USP34: variants seen among roughly 807,000 people sequenced by gnomAD.
USP34 encodes ubiquitin specific peptidase 34.
In USP34, 70 loss-of-function variants were observed where a neutral mutation model predicts 460.3. That is an observed-to-expected ratio of 0.15 (90% CI 0.13 to 0.19). The LOEUF (loss-of-function observed/expected upper bound fraction) is 0.19, where lower values mean the gene tolerates loss of function less well. USP34 is among the 10% of genes least tolerant of loss of function. USP34 has a pLI of 1.00. For synonymous variants in USP34, 1,647 were observed against 1,405.3 expected (o/e 1.17, Z -3.85); for missense variants, 3,985 against 4,236.2 (o/e 0.94, Z 1.65).
Position 61,246,394 on chromosome 2 carries a change from C to T in USP34, c.6478G>A (p.Ala2160Thr). 1 of 1,611,172 alleles carries T rather than the reference C, an allele frequency of 6.2e-7. No individual in the cohort carries two copies. Among genetic ancestry groups the T allele is most frequent in the Non-Finnish European group, 8.5e-7 (1 of 1,178,360 alleles). Residue 2160 changes from alanine (A) to threonine (T), a missense_variant, in exon 50 of 80, where the codon GCA (alanine) becomes ACA (threonine). Transcript: ENST00000398571. ...AAGCTATAATAGTGTCCACCATCTG[C>T]CGTTCCTGTGTGAACAGTCACTCCT... Reference protein sequence around the residue: ...LIGVTVHTGTADGGHYYSFIR... With the variant: ...LIGVTVHTGTTDGGHYYSFIR...
At chr2:61,339,296 C>T (rs1335708264) in intron 18 of USP34, 55 bp downstream of exon 18, 20 of 1,551,056 alleles carry the variant, frequency 1.3e-5, no homozygotes, top group Non-Finnish European at 1.7e-5. Context: ...AAGAATGTCC[C>T]CCCACACCCA....
intron 43 of USP34, chr2:61,265,159 G>C: frequency 2.2e-6 from 1 of 447,812 alleles, no homozygotes; most frequent in African/African-American, 2.0e-5. Flanking sequence ...TGTATACACT[G>C]AGCATGCATA....
intron 34 of USP34, 113 bp from the exon 35 acceptor site, chr2:61,285,070 A>G: frequency 1.4e-6 from 1 of 697,652 alleles, no homozygotes. Context: ...TTTAACCCAA[A>G]ATTCCAAATT....
intron 6 of USP34, 101 bp from the exon 7 acceptor site, chr2:61,380,462 G>A (rs375195240): frequency 3.1e-6 from 4 of 1,274,114 alleles, no homozygotes; most frequent in Admixed American, 5.2e-5. Context: ...AACATTTTTT[G>A]TGTCCAAAAC....
At chr2:61,209,359 A>G (rs1426362165) in intron 69 of USP34, among the ~76,000 whole-genome samples, 2 of 152,266 alleles carry the variant, frequency 1.3e-5, no homozygotes, top group Non-Finnish European at 2.9e-5. Flanking sequence ...AAAGAGTAAC[A>G]TGAAGGAAAA....
At chr2:61,282,345 G>C (rs1017912521) in intron 37 of USP34, among the ~76,000 whole-genome samples, 1 of 152,172 alleles carries the variant, frequency 6.6e-6, no homozygotes, top group African/African-American at 2.4e-5. Flanking sequence ...ATATATTACT[G>C]TGTGTTTCTA....
At chr2:61,190,092 G>GT (rs575026314) in intron 78 of USP34, 179 bp downstream of exon 78, 1 of 637,402 alleles carries the variant, frequency 1.6e-6, no homozygotes, top group Non-Finnish European at 2.5e-6. Flanking sequence ...AGGTGATAGA[G>GT]TGTGCTGTGT....
At chr2:61,409,562 A>G (rs1172014182) in intron 2 of USP34, among the ~76,000 whole-genome samples, 1 of 152,016 alleles carries the variant, frequency 6.6e-6, no homozygotes, top group African/African-American at 2.4e-5. Context: ...AAAAATACAA[A>G]AATTAGCCAG....
At chr2:61,374,644 C>G (rs530311135) in intron 8 of USP34, among the ~76,000 whole-genome samples, 1 of 151,586 alleles carries the variant, frequency 6.6e-6, no homozygotes, top group African/African-American at 2.4e-5. Context: ...ACTACTTGCT[C>G]TGTTGCCCAG....
chr2:61,285,262 G>T (rs1166164794), intron 34 of USP34, among the ~76,000 whole-genome samples: 1 of 152,086 alleles, frequency 6.6e-6, no homozygotes, highest in African/African-American at 2.4e-5. Flanking sequence ...GCTCAGGTGG[G>T]TGGATTGCTT....
chr2:61,414,982 G>T (rs1694151257), intron 2 of USP34, among the ~76,000 whole-genome samples: 1 of 152,124 alleles, frequency 6.6e-6, no homozygotes, highest in Non-Finnish European at 1.5e-5. Flanking sequence ...TTGCAGGAGG[G>T]GACCAATTAG....
chr2:61,467,824 T>C (rs1158527172), intron 1 of USP34, among the ~76,000 whole-genome samples: 1 of 151,926 alleles, frequency 6.6e-6, no homozygotes, highest in Non-Finnish European at 1.5e-5. Flanking sequence ...GGTTTCACCA[T>C]ATTGGCCAGG....
chr2:61,380,116 A>G (rs1692927352), intron 7 of USP34, 53 bp downstream of exon 7: 2 of 1,532,200 alleles, frequency 1.3e-6, no homozygotes, highest in Non-Finnish European at 1.8e-6. Flanking sequence ...TAGTATTATG[A>G]TAGACCAGAA....
At position 61,328,273 on chromosome 2, in the gene USP34, G is replaced by A. The variant is rs553718048; in HGVS notation, c.2931-2816C>T. Among the ~76,000 whole-genome samples, 5 of 147,688 alleles carry A rather than the reference G, an allele frequency of 3.4e-5. No homozygotes were observed. The South Asian group carries it at 1.1e-3, about 32-fold the overall frequency. On this transcript the variant is annotated intron_variant, in intron 20 of 79. Transcript: ENST00000398571. ...GCTGAGATCACGACATTGCACTCCA[G>A]CCTGGGCAAAAGAGCAAAAACTCCG...
intron 27 of USP34, among the ~76,000 whole-genome samples, chr2:61,304,959 G>C (rs1406676939): frequency 1.3e-5 from 2 of 151,994 alleles, no homozygotes; most frequent in Non-Finnish European, 2.9e-5. Context: ...AAAAACTCTT[G>C]ATTTATAATT....
At chr2:61,464,319 A>C (rs1190596465) in intron 1 of USP34, among the ~76,000 whole-genome samples, 1 of 152,230 alleles carries the variant, frequency 6.6e-6, no homozygotes, top group Non-Finnish European at 1.5e-5. Flanking sequence ...ACTCCGTCTC[A>C]AAAACACCAC....
intron 5 of USP34, among the ~76,000 whole-genome samples, chr2:61,392,225 G>T (rs1023974332): frequency 6.6e-6 from 1 of 152,146 alleles, no homozygotes; most frequent in Admixed American, 6.6e-5. Flanking sequence ...CCAGGTACTT[G>T]GGAGGCTGAC....
At chr2:61,425,307 C>T (rs1225814199) in intron 1 of USP34, among the ~76,000 whole-genome samples, 2 of 152,136 alleles carry the variant, frequency 1.3e-5, no homozygotes, top group African/African-American at 4.8e-5. Flanking sequence ...AAACAAAAAT[C>T]AGGTGAGTAC....
intron 47 of USP34, 49 bp downstream of exon 47, chr2:61,256,824 C>G: frequency 7.0e-7 from 1 of 1,426,952 alleles, no homozygotes; most frequent in Non-Finnish European, 9.5e-7. Context: ...CCGCTATACA[C>G]AAATAGGTAA....
Sources: gnomAD v4.1 joint callset for allele counts (sites outside exome capture counted in the v4.1 genomes callset) on GRCh38, gnomAD v4.1.1 for gene constraint, MANE v1.5 for transcripts, NCBI Gene and HGNC (gene_info 2026-07-23, HGNC 2026-07-21) for gene names.